The following SLC26A7 variants were observed in gnomAD, a reference collection of about 807,000 sequenced individuals.
SLC26A7 encodes solute carrier family 26 member 7, also known as anion exchange transporter.
In SLC26A7, 59 loss-of-function variants were observed where a neutral mutation model predicts 82.5. That is an observed-to-expected ratio of 0.72 (90% CI 0.58 to 0.89). SLC26A7 has a LOEUF of 0.89. SLC26A7 is among the 40% of genes least tolerant of loss of function. The pLI is 0.00. For synonymous variants in SLC26A7, 271 were observed against 274.3 expected, an observed-to-expected ratio of 0.99 and a Z score of 0.12; for missense variants, 820 against 793.0, an observed-to-expected ratio of 1.03 and a Z score of -0.41.
At chr8:91,302,818 CTTTTT>C (rs11333572) in intron 4 of SLC26A7, among the ~76,000 whole-genome samples, 2 of 129,632 alleles carry the variant, frequency 1.5e-5, no homozygotes, top group African/African-American at 2.9e-5. Flanking sequence ...TTCCCCTTCT[CTTTTT>C]TTTTTTTTTT....
intron 5 of SLC26A7, among the ~76,000 whole-genome samples, chr8:91,327,084 A>G (rs1195273091): frequency 6.6e-6 from 1 of 152,150 alleles, no homozygotes; most frequent in African/African-American, 2.4e-5. Context: ...TGACAGTCAC[A>G]GGCACTGGAG....
At chr8:91,297,622 G>A (rs756265153) in intron 4 of SLC26A7, among the ~76,000 whole-genome samples, 3 of 151,938 alleles carry the variant, frequency 2.0e-5, no homozygotes, top group Non-Finnish European at 2.9e-5. Context: ...TGTGACTTAC[G>A]TTTTAGCCAA....
intron 2 of SLC26A7, among the ~76,000 whole-genome samples, chr8:91,263,818 A>G (rs536262932): frequency 6.6e-6 from 1 of 152,056 alleles, no homozygotes; most frequent in East Asian, 1.9e-4. Flanking sequence ...TTCATGTTAA[A>G]CTCTGAGATC....
chr8:91,388,706 C>G (rs925406111), intron 15 of SLC26A7, among the ~76,000 whole-genome samples: 2 of 152,046 alleles, frequency 1.3e-5, no homozygotes, highest in Non-Finnish European at 2.9e-5. Flanking sequence ...CTAAGAATAT[C>G]AGTCAAAAAG....
chr8:91,247,311 T>A (rs1382357810), upstream of SLC26A7, among the ~76,000 whole-genome samples: 2 of 152,248 alleles, frequency 1.3e-5, no homozygotes, highest in African/African-American at 4.8e-5. Context: ...AACTGTAAGC[T>A]ACTTTTAGTC....
chr8:91,374,618 G>T (rs1814457570), intron 15 of SLC26A7, among the ~76,000 whole-genome samples: 1 of 150,540 alleles, frequency 6.6e-6, no homozygotes. Flanking sequence ...ATTTTTTTTT[G>T]GAATTTATTT....
intron 2 of SLC26A7, among the ~76,000 whole-genome samples, chr8:91,254,546 T>C (rs1810748833): frequency 6.6e-6 from 1 of 152,154 alleles, no homozygotes; most frequent in Non-Finnish European, 1.5e-5. Context: ...CACTTCTTTA[T>C]AATCATATGC....
At chr8:91,283,672 G>A (rs1811633477) in intron 2 of SLC26A7, among the ~76,000 whole-genome samples, 1 of 152,130 alleles carries the variant, frequency 6.6e-6, no homozygotes. Context: ...CTAGGCTTAA[G>A]TTTTTAAATG....
At chr8:91,321,722 T>A (rs1401715564) in intron 5 of SLC26A7, among the ~76,000 whole-genome samples, 5 of 152,226 alleles carry the variant, frequency 3.3e-5, no homozygotes, top group African/African-American at 9.6e-5. Context: ...ATACTTCTGA[T>A]TAAACTATCT....
intron 2 of SLC26A7, among the ~76,000 whole-genome samples, chr8:91,265,454 A>C (rs1410104374): frequency 9.9e-5 from 15 of 152,030 alleles, no homozygotes; most frequent in Admixed American, 9.8e-4. Context: ...TTTTCTGAGG[A>C]AGCTCCATAC....
exon 1 of SLC26A7, chr8:91,209,542 G>C (rs901328829): frequency 6.6e-6 from 1 of 152,216 alleles, no homozygotes; most frequent in Admixed American, 6.5e-5. Flanking sequence ...AGCTGTAAAA[G>C]GTAGGAGTGC....
At position 91,334,511 on chromosome 8, in the gene SLC26A7, G is replaced by T. The variant is rs1427175922; in HGVS notation, c.795+64G>T. 4.8e-6 allele frequency: 7 copies of T among 1,447,536 alleles called. No individual in the cohort carries two copies. The African/African-American group carries it at 9.9e-5, about 20-fold the overall frequency. The allele number at this position is 1,447,536 out of a possible 1,614,324, so 89.7% of individuals were successfully genotyped here. A position where few individuals can be genotyped will look rare whatever the true frequency, so the allele number is the denominator to read the frequency against. On this transcript the variant is annotated intron_variant, in intron 6 of 18. Transcript: ENST00000276609. ...AGCTTTCCAGTTCTTGGGGAGATCT[G>T]CAGATGCTTACTATATTGTCTGTAG...
At chr8:91,336,538 G>GA (rs1225624118) in intron 6 of SLC26A7, among the ~76,000 whole-genome samples, 1 of 151,806 alleles carries the variant, frequency 6.6e-6, no homozygotes, top group Admixed American at 6.6e-5. Flanking sequence ...CCCTGTTCGT[G>GA]AAAAAATTGT....
chr8:91,378,456 T>A (rs928414496), intron 15 of SLC26A7, among the ~76,000 whole-genome samples: 1 of 147,004 alleles, frequency 6.8e-6, no homozygotes, highest in African/African-American at 2.5e-5. Context: ...TATATAAATA[T>A]ATAATTTTAT....
At chr8:91,324,229 AT>A (rs1455748121) in intron 5 of SLC26A7, among the ~76,000 whole-genome samples, 3 of 152,246 alleles carry the variant, frequency 2.0e-5, no homozygotes, top group Non-Finnish European at 2.9e-5. Context: ...TTAATGATGT[AT>A]AATGATATAG....
At chr8:91,284,770 T>C (rs1811665949) in intron 2 of SLC26A7, among the ~76,000 whole-genome samples, 1 of 152,208 alleles carries the variant, frequency 6.6e-6, no homozygotes, top group Non-Finnish European at 1.5e-5. Context: ...GGTGCTACTT[T>C]TATGATTCCT....
Position 91,225,643 on chromosome 8 carries a change from G to GTTTTTTTTTTTT in SLC26A7, c.-34+6659_-34+6670dup, listed in dbSNP as rs55732709. Among the ~76,000 whole-genome samples the GTTTTTTTTTTTT allele has an allele frequency of 2.8e-4, 10 of 36,132 alleles. 2 individuals carry two copies. The highest frequency in any genetic ancestry group is 3.7e-4 in the African/African-American group (3 of 8,180). 23.7% of individuals were successfully genotyped at this position (36,132 alleles called of 152,430 possible). On this transcript the variant is annotated intron_variant, in intron 2 of 5. Transcript: ENST00000522862. ...TCTTGGCCCTGCCCCCTAGAAAAGT[G>GTTTTTTTTTTTT]TTTTTTTTTTTTTTTTTTTTTTTTT...
chr8:91,259,790 A>G (rs1165862748), intron 2 of SLC26A7, among the ~76,000 whole-genome samples: 1 of 152,100 alleles, frequency 6.6e-6, no homozygotes, highest in Non-Finnish European at 1.5e-5. Context: ...ATTCTCAACC[A>G]TGGCTACATA....
At chr8:91,211,415 A>C (rs911775832) in intron 1 of SLC26A7, among the ~76,000 whole-genome samples, 1 of 151,514 alleles carries the variant, frequency 6.6e-6, no homozygotes, top group African/African-American at 2.4e-5. Context: ...AATATATATT[A>C]CTAGATGTTA....
Sources: gnomAD v4.1 joint callset for allele counts (sites outside exome capture counted in the v4.1 genomes callset) on GRCh38, gnomAD v4.1.1 for gene constraint, MANE v1.5 for transcripts, NCBI Gene and HGNC (gene_info 2026-07-23, HGNC 2026-07-21) for gene names.